ATF6B: variants seen among roughly 807,000 people sequenced by gnomAD.
The protein encoded by ATF6B is activating transcription factor 6 beta, also known as cyclic AMP-dependent transcription factor ATF-6 beta.
In ATF6B, 50 loss-of-function variants were observed where a neutral mutation model predicts 83.5. The ratio of observed to expected loss-of-function variants is 0.60; its 90% CI spans 0.48 to 0.76. The LOEUF (loss-of-function observed/expected upper bound fraction) is 0.76. Among genes scored for constraint, ATF6B ranks in the 30% least tolerant of loss-of-function variants. ATF6B has a pLI of 0.00. For missense variants in ATF6B, 790 were observed against 893.8 expected (o/e 0.88, Z 1.48); for synonymous variants, 344 against 362.8 (o/e 0.95, Z 0.59).
rs768525627 is a variant in ATF6B, at chr6:32,127,441, C to T, written c.250+1G>A. The T allele has an allele frequency of 1.9e-6, 3 of 1,610,886 alleles. No individual in the cohort carries two copies. Among genetic ancestry groups the T allele is most frequent in the Non-Finnish European group, 1.7e-6 (2 of 1,178,036 alleles). On this transcript the variant is annotated splice_donor_variant, in intron 3 of 17. Transcript: ENST00000375203. LOFTEE classifies it high-confidence loss of function. ...TGAGGGAACGACAAAGACTACCTTACCTGGGAAGATCGGCAGGAGTTCCCA... is the reference window on the plus strand; with the variant it reads ...TGAGGGAACGACAAAGACTACCTTATCTGGGAAGATCGGCAGGAGTTCCCA...
At position 32,119,187 on chromosome 6, in the gene ATF6B, AAGG is replaced by A; in HGVS notation, c.967-49_967-47del. The A allele has an allele frequency of 6.4e-7, 1 of 1,563,812 alleles. No individual in the cohort carries two copies. Among genetic ancestry groups the A allele is most frequent in the South Asian group, 1.2e-5 (1 of 85,816 alleles). ...AAAAGAATGACAGATGAGTTGGCAG[AAGG>A]AGACTATGCTCTCAAACCCCAAGGA... On this transcript the variant is annotated intron_variant, in intron 9 of 17. Coordinates refer to ENST00000375203, the MANE Select transcript of ATF6B (RefSeq NM_004381.5). This position sits in a 1 kb window ranked among gnomAD's most constrained non-coding sequence, Gnocchi z 4.9.
rs1782032340 is a variant in ATF6B, at chr6:32,127,489, T to C, written c.203A>G (p.Asp68Gly). ...CCATGGGGGCTCAGAGGGGCTGACA[T>C]CCATCCCCACGTCCAGGGAGCTGCC... is the stretch of plus-strand genomic sequence containing the variant. ...FDGSSLDVGMDVSPSEPPWEL... is the reference protein window; with the variant it reads ...FDGSSLDVGMGVSPSEPPWEL... Residue 68 changes from aspartate to glycine, a missense_variant, in exon 3 of 18, where the codon GAT becomes GGT. Asp to Gly is a moderately conservative substitution (Grantham distance 94, BLOSUM62 -1). This residue lies in a region of ATF6B where 253 missense variants were observed against 243.1 expected (regional missense o/e 1.04). Transcript: ENST00000375203. 6.2e-7 allele frequency: 1 copy of C among 1,613,340 alleles called. No individual in the cohort carries two copies.
chr6:32,119,414 G>C lies in ATF6B; in HGVS notation c.967-273C>G, dbSNP rs1582523562. On this transcript the variant is annotated intron_variant, in intron 9 of 17. Transcript: ENST00000375203. The surrounding 1 kb of genome is among the most constrained non-coding windows in gnomAD (Gnocchi z 4.9). ...CATGCTGGTGGAAACTCTTTCCTTC[G>C]TAACTCTTTCTTCCTGTCAGCCCAC... Among the ~76,000 whole-genome samples the C allele has an allele frequency of 6.6e-6, 1 of 152,116 alleles. No individual in the cohort carries two copies. The highest frequency in any genetic ancestry group is 2.1e-4 in the South Asian group (1 of 4,826).
At chr6:32,127,916 G>T (rs1782056056) in intron 1 of ATF6B, 166 bp from the exon 2 acceptor site, 2 of 996,498 alleles carry the variant, frequency 2.0e-6, no homozygotes, top group Non-Finnish European at 1.5e-6. Context: ...CCCCGACCCC[G>T]GAACAACTCG....
Position 32,119,169 on chromosome 6 carries a change from T to C in ATF6B, c.967-28A>G, listed in dbSNP as rs1781655521. On this transcript the variant is annotated intron_variant, in intron 9 of 17. Coordinates refer to ENST00000375203, the MANE Select transcript of ATF6B (RefSeq NM_004381.5). This position sits in a 1 kb window ranked among gnomAD's most constrained non-coding sequence, Gnocchi z 4.9. ...AGGCACCCGGAAGGTCAAAAAAGAA[T>C]GACAGATGAGTTGGCAGAAGGAGAC... 4 of 1,589,776 alleles carry C rather than the reference T, an allele frequency of 2.5e-6. No homozygotes were observed. Among genetic ancestry groups the C allele is most frequent in the Admixed American group, 1.8e-5 (1 of 54,886 alleles).
Position 32,116,068 on chromosome 6 carries a change from AAAAG to A in ATF6B, c.1883-104_1883-101del. On this transcript the variant is annotated intron_variant, in intron 17 of 17. Coordinates refer to ENST00000375203, the MANE Select transcript of ATF6B (RefSeq NM_004381.5). The surrounding 1 kb of genome is among the most constrained non-coding windows in gnomAD (Gnocchi z 5.1). ...AGAAAAGTAGAGGTGAGCAGAGAGA[AAAAG>A]AAAGGGCAATAGTGAGGAGGCAGAT... 6.9e-6 allele frequency: 6 copies of A among 867,500 alleles called. No individual in the cohort carries two copies. Among genetic ancestry groups the A allele is most frequent in the Non-Finnish European group, 1.1e-5 (6 of 561,340 alleles). 53.7% of individuals were successfully genotyped at this position (867,500 alleles called of 1,614,324 possible). A position where few individuals can be genotyped will look rare whatever the true frequency, so the allele number is the denominator to read the frequency against.
rs756977654 is a variant in ATF6B, at chr6:32,117,834, G to A, written c.1424+25C>T. Reference sequence around the variant, plus strand: ...GACCAACTCATACCCTCAAACGAGAGGGGGCCCTCTCTCTCTCTCCTCACC... The same window carrying A: ...GACCAACTCATACCCTCAAACGAGAAGGGGCCCTCTCTCTCTCTCCTCACC... On this transcript the variant is annotated intron_variant, in intron 12 of 17. Coordinates refer to ENST00000375203, the MANE Select transcript of ATF6B (RefSeq NM_004381.5). The surrounding 1 kb of genome is among the most constrained non-coding windows in gnomAD (Gnocchi z 5.0). The A allele has an allele frequency of 3.6e-5, 56 of 1,556,688 alleles. No homozygotes were observed. The highest frequency in any genetic ancestry group is 4.8e-5 in the Non-Finnish European group (55 of 1,154,290).
In ATF6B at chr6:32,117,674, C is replaced by T; in HGVS notation, c.1445G>A (p.Gly482Glu). The part of the protein sequence containing the change: ...PSFSNLTAFP[G>E]GAKELLLRDL... ...TCTTAGTAGTAGCTCCTTGGCGCCC[C>T]CAGGGAAGGCTGTCAGGTTGCTGGA... Residue 482 changes from glycine to glutamate, a missense_variant, in exon 13 of 18, where the codon GGG becomes GAG. Physicochemically the swap from Gly to Glu is moderately conservative, Grantham distance 98. Transcript: ENST00000375203. The surrounding 1 kb of genome is among the most constrained non-coding windows in gnomAD (Gnocchi z 5.0). 4 of 1,614,076 alleles carry T rather than the reference C, an allele frequency of 2.5e-6. No individual in the cohort carries two copies. Among genetic ancestry groups the T allele is most frequent in the Non-Finnish European group, 3.4e-6 (4 of 1,179,972 alleles).
In ATF6B at chr6:32,120,818, G is replaced by A. The variant is rs1562907526; in HGVS notation, c.785C>T (p.Pro262Leu). 3 of 1,609,988 alleles carry A rather than the reference G, an allele frequency of 1.9e-6. No individual in the cohort carries two copies. Among genetic ancestry groups the A allele is most frequent in the South Asian group, 2.2e-5 (2 of 90,534 alleles). Residue 262 changes from proline (P) to leucine (L), a missense_variant, in exon 8 of 18, where the codon CCT becomes CTT. By Grantham distance (98) the Pro-to-Leu change is moderately conservative. This residue lies in a region of ATF6B where 530 missense variants were observed against 632.6 expected (regional missense o/e 0.84). Transcript: ENST00000375203. ...TTVPMPSRAV[P>L]PSTTVLLQSL... is the part of the protein sequence containing the mutation. Reference sequence around the variant, plus strand: ...CTGCAGAAGGACTGTGGTGCTGGGAGGCACAGCTCTGGATGGCATTGGGAC... The same window carrying A: ...CTGCAGAAGGACTGTGGTGCTGGGAAGCACAGCTCTGGATGGCATTGGGAC...
At chr6:32,123,900 T>C (rs565870149) in intron 5 of ATF6B, among the ~76,000 whole-genome samples, 7 of 152,148 alleles carry the variant, frequency 4.6e-5, no homozygotes, top group African/African-American at 7.2e-5. Flanking sequence ...AGAAGGTACT[T>C]TGAAATCAAC....
rs1428808180 is a variant in ATF6B, at chr6:32,119,656, T to C, written c.966+168A>G. Among the ~76,000 whole-genome samples, 3 of 152,112 alleles carry C rather than the reference T, an allele frequency of 2.0e-5. No individual in the cohort carries two copies. Among genetic ancestry groups the C allele is most frequent in the African/African-American group, 7.2e-5 (3 of 41,422 alleles). ...TAAAACTACCTGGAGTTGATATTCATATAGAAACAGGAGTCCATTCTGACC... is the reference window on the plus strand; with the variant it reads ...TAAAACTACCTGGAGTTGATATTCACATAGAAACAGGAGTCCATTCTGACC... On this transcript the variant is annotated intron_variant, in intron 9 of 17. Coordinates refer to ENST00000375203, the MANE Select transcript of ATF6B (RefSeq NM_004381.5). The surrounding 1 kb of genome is among the most constrained non-coding windows in gnomAD (Gnocchi z 4.9).
In ATF6B at chr6:32,117,894, C is replaced by G. The variant is rs1357698515; in HGVS notation, c.1389G>C (p.Glu463Asp). The G allele has an allele frequency of 1.9e-6, 3 of 1,577,744 alleles. No homozygotes were observed. The highest frequency in any genetic ancestry group is 2.6e-6 in the Non-Finnish European group (3 of 1,165,118). The change falls in exon 12 of 18, where the codon GAG becomes GAC. Residue 463 changes from glutamate to aspartate, a missense_variant. Physicochemically the swap from Glu to Asp is conservative, Grantham distance 45. Around this residue, in one of 3 missense-constraint regions of ATF6B, gnomAD observed 530 missense variants for 632.6 expected, o/e 0.84. Coordinates refer to ENST00000375203, the MANE Select transcript of ATF6B (RefSeq NM_004381.5). The surrounding 1 kb of genome is among the most constrained non-coding windows in gnomAD (Gnocchi z 5.0). ...GCTGGTCTGTGGGGCTGGGCTGGGG[C>G]TCCTTAGGGCCCTGGGAGGACCCCT... ...PLQGSSQGPKEPQPSPTDQPS... is the reference protein window; with the variant it reads ...PLQGSSQGPKDPQPSPTDQPS...
Position 32,117,993 on chromosome 6 carries a change from C to T in ATF6B, c.1290G>A (p.Lys430=). ...PSAPISPRMN[K]GEPQPRRHLL... is the part of the protein sequence containing the mutation. ...AGTGTCTCCGGGGTTGAGGCTCCCC[C>T]TTGTTCATCCGAGGAGAGATGGGAG... is the stretch of plus-strand genomic sequence containing the variant. Residue 430 remains lysine (K), a synonymous_variant, in exon 12 of 18, where the codon AAG becomes AAA. Transcript: ENST00000375203. The surrounding 1 kb of genome is among the most constrained non-coding windows in gnomAD (Gnocchi z 5.0). 5.0e-6 allele frequency: 8 copies of T among 1,614,094 alleles called. No homozygotes were observed. The highest frequency in any genetic ancestry group is 6.8e-6 in the Non-Finnish European group (8 of 1,180,016).
chr6:32,115,440 A>C lies in ATF6B; in HGVS notation c.*299T>G. 3.2e-6 allele frequency: 1 copy of C among 313,642 alleles called. No homozygotes were observed. Among genetic ancestry groups the C allele is most frequent in the Non-Finnish European group, 5.7e-6 (1 of 174,836 alleles). The allele number at this position is 313,642 out of a possible 1,614,324, so 19.4% of individuals were successfully genotyped here. A position where few individuals can be genotyped will look rare whatever the true frequency, so the allele number is the denominator to read the frequency against. On this transcript the variant is annotated 3_prime_UTR_variant, in exon 18 of 18. Coordinates refer to ENST00000375203, the MANE Select transcript of ATF6B (RefSeq NM_004381.5). ...TTCCCACCTCCACTGCCATAACACTAGAGAAACAAAATAAAAAATATGCAG... is the reference window on the plus strand; with the variant it reads ...TTCCCACCTCCACTGCCATAACACTCGAGAAACAAAATAAAAAATATGCAG...
intron 2 of ATF6B, 37 bp from the exon 3 acceptor site, chr6:32,127,557 G>A (rs941680518): frequency 1.2e-6 from 2 of 1,609,094 alleles, no homozygotes; most frequent in Non-Finnish European, 1.7e-6. Flanking sequence ...AGGAGTGTGA[G>A]AAAGGATGAG....
At position 32,117,114 on chromosome 6, in the gene ATF6B, G is replaced by A. The variant is rs1269902880; in HGVS notation, c.1615-7C>T. On this transcript the variant is annotated splice_region_variant and splice_polypyrimidine_tract_variant and intron_variant, in intron 14 of 17. Coordinates refer to ENST00000375203, the MANE Select transcript of ATF6B (RefSeq NM_004381.5). The surrounding 1 kb of genome is among the most constrained non-coding windows in gnomAD (Gnocchi z 5.0). ...TCTTCCGTGGCTGAGACTTCTGGAA[G>A]GAGAAGTATCTAAGGACTTGGAGAG... 1 of 1,613,594 alleles carries A rather than the reference G, an allele frequency of 6.2e-7. No homozygotes were observed. The highest frequency in any genetic ancestry group is 1.7e-5 in the Admixed American group (1 of 60,000).
chr6:32,120,801 G>A lies in ATF6B; in HGVS notation c.802C>T (p.Leu268Phe). Residue 268 changes from leucine to phenylalanine, a missense_variant, in exon 8 of 18, where the codon CTT (leucine) becomes TTT (phenylalanine). Transcript: ENST00000375203. ...SRAVPPSTTV[L>F]LQSLVQPPPV... ...GGTGGCTGGACGAGGGACTGCAGAAGGACTGTGGTGCTGGGAGGCACAGCT... is the reference window on the plus strand; with the variant it reads ...GGTGGCTGGACGAGGGACTGCAGAAAGACTGTGGTGCTGGGAGGCACAGCT... 4 of 1,611,040 alleles carry A rather than the reference G, an allele frequency of 2.5e-6. No individual in the cohort carries two copies. Among genetic ancestry groups the A allele is most frequent in the Non-Finnish European group, 2.5e-6 (3 of 1,178,334 alleles).
chr6:32,115,965 G>T lies in ATF6B; in HGVS notation c.1886C>A (p.Thr629Asn). 6.2e-7 allele frequency: 1 copy of T among 1,612,580 alleles called. No individual in the cohort carries two copies. The highest frequency in any genetic ancestry group is 1.1e-5 in the South Asian group (1 of 90,862). ...LVMPAMAPNE[T>N]LSGRGAPGDY... The stretch of plus-strand genomic sequence containing the variant: ...CCCCGGGGCCCCACGGCCTGACAGG[G>T]TCTCTGTGAGAAGGGGAGAGTTAAG... The change falls in exon 18 of 18, where the codon ACC becomes AAC. Residue 629 changes from threonine (T) to asparagine (N), a missense_variant. Thr to Asn is a moderately conservative substitution (Grantham distance 65). Around this residue, in one of 3 missense-constraint regions of ATF6B, gnomAD observed 530 missense variants for 632.6 expected, o/e 0.84. Transcript: ENST00000375203.
chr6:32,120,612 C>T (rs769314087), intron 8 of ATF6B, 159 bp downstream of exon 8: 35 of 858,420 alleles, frequency 4.1e-5, no homozygotes, highest in Non-Finnish European at 5.3e-5. Flanking sequence ...CACCACTCCA[C>T]GCTAATTTTT....
Sources: allele counts gnomAD v4.1 joint callset (sites outside exome capture counted in the v4.1 genomes callset), GRCh38; gene constraint gnomAD v4.1.1; regional missense constraint gnomAD v4.1.1; non-coding constraint Gnocchi (gnomAD v3.1); transcripts MANE v1.5; gene names NCBI Gene and HGNC (gene_info 2026-07-23, HGNC 2026-07-21).